UNK: variants seen among roughly 807,000 people sequenced by gnomAD.
UNK encodes unk zinc finger.
Under a neutral mutation model 97.6 loss-of-function variants are expected in UNK, and 32 were observed. The observed-to-expected ratio is 0.33, with a 90% CI of 0.25 to 0.44. UNK has a LOEUF of 0.44. Among genes scored for constraint, UNK ranks in the 20% least tolerant of loss-of-function variants. The pLI is 1.00. For missense variants in UNK, 771 were observed against 1,098.4 expected (o/e 0.70, Z 4.21); for synonymous variants, 441 against 461.2 (o/e 0.96, Z 0.56).
intron 2 of UNK, among the ~76,000 whole-genome samples, chr17:75,810,869 C>T (rs1165056844): frequency 6.6e-6 from 1 of 152,228 alleles, no homozygotes. Context: ...CTCCTGACCT[C>T]AGGTGATCCG....
chr17:75,800,540 C>T (rs1309965434), intron 1 of UNK, among the ~76,000 whole-genome samples: 2 of 151,204 alleles, frequency 1.3e-5, no homozygotes, highest in African/African-American at 4.9e-5. Flanking sequence ...AGATTGAGAC[C>T]ATCCTGGCTA....
At position 75,809,957 on chromosome 17, in the gene UNK, C is replaced by T; in HGVS notation, c.302C>T (p.Pro101Leu). ...TKYDEATGLC[P>L]EGDECPFLHR... Reference sequence around the variant, plus strand: ...TACGACGAGGCTACAGGCCTCTGCCCGGAGGGCGACGAGTGAGTGACCCAG... The same window carrying T: ...TACGACGAGGCTACAGGCCTCTGCCTGGAGGGCGACGAGTGAGTGACCCAG... Residue 101 changes from proline (P) to leucine (L), a missense_variant, in exon 2 of 16, where the codon CCG becomes CTG. Physicochemically the swap from Pro to Leu is moderately conservative, Grantham distance 98. Around this residue, in one of 5 missense-constraint regions of UNK, gnomAD observed 246 missense variants for 440.7 expected, o/e 0.56. Coordinates refer to ENST00000589666, the MANE Select transcript of UNK (RefSeq NM_001080419.3). 10 of 1,613,518 alleles carry T rather than the reference C, an allele frequency of 6.2e-6. No homozygotes were observed. Among genetic ancestry groups the T allele is most frequent in the Non-Finnish European group, 8.5e-6 (10 of 1,179,888 alleles).
chr17:75,804,892 T>C (rs904744492), intron 1 of UNK, among the ~76,000 whole-genome samples: 2 of 149,432 alleles, frequency 1.3e-5, no homozygotes, highest in Non-Finnish European at 3.0e-5. Context: ...ATGGATATCC[T>C]GAATAAAAAT....
At chr17:75,823,171 G>C in intron 14 of UNK, 94 bp from the exon 15 acceptor site, 1 of 1,494,528 alleles carries the variant, frequency 6.7e-7, no homozygotes. Context: ...TTCCCACCAG[G>C]CCTCGCAGCC....
intron 1 of UNK, among the ~76,000 whole-genome samples, chr17:75,801,433 C>T (rs1312416267): frequency 2.0e-5 from 3 of 152,148 alleles, no homozygotes; most frequent in Non-Finnish European, 4.4e-5. Flanking sequence ...CAGGAGGACA[C>T]CTTGAGCCCA....
Position 75,812,605 on chromosome 17 carries a change from G to C in UNK, c.622+20G>C, listed in dbSNP as rs370690503. Reference sequence around the variant, plus strand: ...GGCAAGGTACAGGCATCCACACCTCGGCCGCGCCCTCCCTATAATCCTGCT... The same window carrying C: ...GGCAAGGTACAGGCATCCACACCTCCGCCGCGCCCTCCCTATAATCCTGCT... On this transcript the variant is annotated intron_variant, in intron 4 of 15. Transcript: ENST00000589666. 1 of 1,609,330 alleles carries C rather than the reference G, an allele frequency of 6.2e-7. No homozygotes were observed. The highest frequency in any genetic ancestry group is 1.7e-5 in the Admixed American group (1 of 59,706).
chr17:75,819,638 C>A lies in UNK; in HGVS notation c.1547-46C>A. On this transcript the variant is annotated intron_variant, in intron 11 of 15. Transcript: ENST00000589666. This position sits in a 1 kb window ranked among gnomAD's most constrained non-coding sequence, Gnocchi z 5.4. ...GGGCAGTAGACGAGGTGGTCAGGGT[C>A]AGATAGTCCCTCGGGAGGTCACATC... The A allele has an allele frequency of 1.9e-6, 3 of 1,581,204 alleles. No individual in the cohort carries two copies. In the South Asian group the frequency reaches 3.3e-5, roughly 18 times the overall value.
chr17:75,798,311 C>T (rs947992218), intron 1 of UNK, among the ~76,000 whole-genome samples: 1 of 151,684 alleles, frequency 6.6e-6, no homozygotes, highest in Non-Finnish European at 1.5e-5. Flanking sequence ...TCAGGTGATC[C>T]CCCCACCTCA....
At chr17:75,808,112 G>A (rs975856809) in intron 1 of UNK, among the ~76,000 whole-genome samples, 10 of 152,102 alleles carry the variant, frequency 6.6e-5, no homozygotes, top group Non-Finnish European at 1.2e-4. Flanking sequence ...TACCTCCTGA[G>A]GTAGTTTCTT....
At chr17:75,795,471 C>T (rs1486706590) in intron 1 of UNK, among the ~76,000 whole-genome samples, 1 of 152,034 alleles carries the variant, frequency 6.6e-6, no homozygotes, top group Admixed American at 6.6e-5. Flanking sequence ...TCCTGAGTAG[C>T]TGAGATTACA....
Position 75,824,302 on chromosome 17 carries a change from AG to A in UNK, c.2320del (p.Glu774AsnfsTer52). The A allele has an allele frequency of 6.2e-7, 1 of 1,604,868 alleles. No homozygotes were observed. The highest frequency in any genetic ancestry group is 8.5e-7 in the Non-Finnish European group (1 of 1,176,288). On this transcript the variant is annotated frameshift_variant, in exon 16 of 16. Transcript: ENST00000589666. LOFTEE classifies it high-confidence loss of function. The surrounding 1 kb of genome is among the most constrained non-coding windows in gnomAD (Gnocchi z 4.9). ...HMQSVKCLKCQEQKRAVLPCQ... is the reference protein window; with the variant it reads ...HMQSVKCLKCXEQKRAVLPCQ... ...CAGTCGGTGAAATGCCTTAAGTGTC[AG>A]GAACAGAAGCGGGCAGTGCTGCCGT... is the stretch of plus-strand genomic sequence containing the variant.
Position 75,816,717 on chromosome 17 carries a change from T to C in UNK, c.962-53T>C. The C allele has an allele frequency of 6.5e-7, 1 of 1,545,662 alleles. No homozygotes were observed. The highest frequency in any genetic ancestry group is 8.7e-7 in the Non-Finnish European group (1 of 1,149,560). On this transcript the variant is annotated intron_variant, in intron 7 of 15. Transcript: ENST00000589666. The surrounding 1 kb of genome is among the most constrained non-coding windows in gnomAD (Gnocchi z 4.0). ...TTTGGAAGGGACCCAGGAGCATTTT[T>C]GGAGGGACAGAGCTGGCTGGGGCCT...
At chr17:75,821,664 A>G in intron 13 of UNK, 1 of 456,724 alleles carries the variant, frequency 2.2e-6, no homozygotes, top group South Asian at 1.5e-5. Flanking sequence ...TTAGTGGGAA[A>G]GGGAGCAAGG....
At chr17:75,805,268 G>C (rs2061901581) in intron 1 of UNK, among the ~76,000 whole-genome samples, 1 of 151,696 alleles carries the variant, frequency 6.6e-6, no homozygotes, top group Non-Finnish European at 1.5e-5. Flanking sequence ...AGCTGGGCAT[G>C]GTGGCTGTGG....
Position 75,818,640 on chromosome 17 carries a change from A to T in UNK, c.1372-2A>T. 1 of 1,589,524 alleles carries T rather than the reference A, an allele frequency of 6.3e-7. No individual in the cohort carries two copies. The highest frequency in any genetic ancestry group is 8.6e-7 in the Non-Finnish European group (1 of 1,166,054). On this transcript the variant is annotated splice_acceptor_variant, in intron 10 of 15. Transcript: ENST00000589666. LOFTEE classifies it high-confidence loss of function. The surrounding 1 kb of genome is among the most constrained non-coding windows in gnomAD (Gnocchi z 5.1). ...CTTCTCCTCTTCCCTCTCTCGTTGC[A>T]GGACATGCTGGGCATCCTCCCCGCA...
In UNK at chr17:75,784,880, C is replaced by T. The variant is rs1371122079; in HGVS notation, c.-1C>T. 2 of 1,597,560 alleles carry T rather than the reference C, an allele frequency of 1.3e-6. No individual in the cohort carries two copies. Among genetic ancestry groups the T allele is most frequent in the Non-Finnish European group, 1.7e-6 (2 of 1,173,318 alleles). On this transcript the variant is annotated 5_prime_UTR_variant, in exon 1 of 16. Coordinates refer to ENST00000589666, the MANE Select transcript of UNK (RefSeq NM_001080419.3). The stretch of plus-strand genomic sequence containing the variant: ...CGGCGAAGAGGCAGGAAGACAAGAC[C>T]ATGTCGAAGGGCCCCGGGCCCGGCG...
At position 75,805,934 on chromosome 17, in the gene UNK, T is replaced by A. The variant is rs187126702; in HGVS notation, c.105-3826T>A. Reference sequence around the variant, plus strand: ...GAAAGGGATCCCCCAACTTTGCAAATTGTTATCCCCTCAAAAAGAAATCTA... The same window carrying A: ...GAAAGGGATCCCCCAACTTTGCAAAATGTTATCCCCTCAAAAAGAAATCTA... On this transcript the variant is annotated intron_variant, in intron 1 of 15. Transcript: ENST00000589666. Among the ~76,000 whole-genome samples, 27 of 151,488 alleles carry A rather than the reference T, an allele frequency of 1.8e-4. 1 individual carries two copies. In the East Asian group the frequency reaches 2.9e-3, roughly 16 times the overall value.
At chr17:75,821,855 A>G (rs921277983) in intron 13 of UNK, 2 of 390,396 alleles carry the variant, frequency 5.1e-6, no homozygotes, top group African/African-American at 4.2e-5. Flanking sequence ...TGCACGCAGC[A>G]TAGTTGACTG....
At chr17:75,793,463 T>A in intron 1 of UNK, 1 of 985,388 alleles carries the variant, frequency 1.0e-6, no homozygotes, top group African/African-American at 1.7e-5. Context: ...TTGACAGCAG[T>A]ATCAAGAGCT....
Sources: allele counts gnomAD v4.1 joint callset (sites outside exome capture counted in the v4.1 genomes callset), GRCh38; gene constraint gnomAD v4.1.1; regional missense constraint gnomAD v4.1.1; non-coding constraint Gnocchi (gnomAD v3.1); transcripts MANE v1.5; gene names NCBI Gene and HGNC (gene_info 2026-07-23, HGNC 2026-07-21).